PCCA: variants seen among roughly 807,000 people sequenced by gnomAD.
PCCA encodes the protein propionyl-CoA carboxylase alpha chain, mitochondrial.
PCCA carries 74 observed loss-of-function variants against 101.3 expected under a neutral mutation model. That is an observed-to-expected ratio of 0.73 (90% CI 0.61 to 0.89). PCCA has a LOEUF of 0.89. PCCA is among the 40% of genes least tolerant of loss of function. PCCA has a pLI of 0.00. For missense variants in PCCA, 891 were observed against 907.0 expected, an observed-to-expected ratio of 0.98 and a Z score of 0.23; for synonymous variants, 294 against 313.6, an observed-to-expected ratio of 0.94 and a Z score of 0.66.
chr13:100,521,928 A>G (rs967280557), intron 22 of PCCA, among the ~76,000 whole-genome samples: 1 of 152,220 alleles, frequency 6.6e-6, no homozygotes, highest in African/African-American at 2.4e-5. Context: ...AAAACACAGA[A>G]TGTAGGACAA....
intron 12 of PCCA, among the ~76,000 whole-genome samples, chr13:100,284,274 A>G (rs1024386682): frequency 9.2e-5 from 14 of 152,192 alleles, no homozygotes; most frequent in African/African-American, 3.4e-4. Context: ...GGAGGGATAT[A>G]TTAGCCAAGG....
intron 21 of PCCA, among the ~76,000 whole-genome samples, chr13:100,477,041 T>C (rs2083466271): frequency 6.6e-6 from 1 of 152,234 alleles, no homozygotes; most frequent in Admixed American, 6.5e-5. Context: ...TTCTATCCCA[T>C]CTGTTTATAT....
intron 20 of PCCA, among the ~76,000 whole-genome samples, chr13:100,434,407 G>C (rs1477798012): frequency 2.6e-5 from 4 of 152,096 alleles, no homozygotes; most frequent in African/African-American, 4.8e-5. Context: ...CTGCTATATT[G>C]GGTCTCTCAG....
At chr13:100,149,505 C>G (rs1047287044) in intron 4 of PCCA, 1 of 152,152 alleles carries the variant, frequency 6.6e-6, no homozygotes, top group Non-Finnish European at 1.5e-5. Context: ...ATTCTACTTT[C>G]AGGATAATTT....
In PCCA at chr13:100,393,141, G is replaced by A. The variant is rs372601784; in HGVS notation, c.1746+24567G>A. 1.1e-3 allele frequency among the ~76,000 whole-genome samples: 166 copies of A among 152,220 alleles called. 6 individuals carry two copies. The South Asian group carries it at 0.031, about 29-fold the overall frequency. ...AGAATTGAATTTCTCCTGCTTATGG[G>A]TTGTGTCACATTTAATAGCGTTCTT... On this transcript the variant is annotated intron_variant, in intron 19 of 23. Coordinates refer to ENST00000376285, the MANE Select transcript of PCCA (RefSeq NM_000282.4).
At chr13:100,322,041 A>G (rs1372895929) in intron 16 of PCCA, among the ~76,000 whole-genome samples, 2 of 152,182 alleles carry the variant, frequency 1.3e-5, no homozygotes, top group African/African-American at 4.8e-5. Context: ...TGCTGTAACA[A>G]AGATTTCTAA....
At chr13:100,166,751 G>T (rs1157255101) in intron 6 of PCCA, among the ~76,000 whole-genome samples, 6 of 152,100 alleles carry the variant, frequency 3.9e-5, no homozygotes, top group African/African-American at 1.4e-4. Flanking sequence ...TAGTTATGTG[G>T]GCATATGCTT....
chr13:100,133,661 T>C (rs2050799871), intron 4 of PCCA, among the ~76,000 whole-genome samples: 2 of 152,208 alleles, frequency 1.3e-5, no homozygotes, highest in Non-Finnish European at 1.5e-5. Context: ...TTGTGATGGT[T>C]AATATTGAGT....
chr13:100,505,345 A>G (rs1566474640), intron 21 of PCCA, among the ~76,000 whole-genome samples: 1 of 152,310 alleles, frequency 6.6e-6, no homozygotes, highest in South Asian at 2.1e-4. Flanking sequence ...TCTCTAATTC[A>G]CTATGCTTTT....
chr13:100,117,211 GTACTTTTT>G (rs1475396232), intron 4 of PCCA, among the ~76,000 whole-genome samples: 1 of 151,990 alleles, frequency 6.6e-6, no homozygotes, highest in African/African-American at 2.4e-5. Flanking sequence ...CTGATGTTGA[GTACTTTTT>G]TGTGTTATTG....
At chr13:100,473,695 C>T (rs1225453457) in intron 21 of PCCA, among the ~76,000 whole-genome samples, 4 of 152,134 alleles carry the variant, frequency 2.6e-5, no homozygotes, top group Non-Finnish European at 4.4e-5. Context: ...AGAGTCTATC[C>T]CACCCCTAGC....
At chr13:100,106,978 C>T (rs1268344751) in intron 2 of PCCA, among the ~76,000 whole-genome samples, 1 of 152,196 alleles carries the variant, frequency 6.6e-6, no homozygotes, top group African/African-American at 2.4e-5. Flanking sequence ...CACTTGAGGG[C>T]TGCACTTAAT....
intron 21 of PCCA, chr13:100,490,383 C>T (rs2084813758): frequency 6.6e-6 from 1 of 152,144 alleles, no homozygotes; most frequent in African/African-American, 2.4e-5. Context: ...AGTAACAGGT[C>T]ACAGCATAAA....
intron 20 of PCCA, among the ~76,000 whole-genome samples, chr13:100,426,149 T>C (rs2079135894): frequency 6.6e-6 from 1 of 152,220 alleles, no homozygotes; most frequent in African/African-American, 2.4e-5. Context: ...CACAGCTCAC[T>C]GATGTCCTTT....
At chr13:100,357,589 T>C (rs1005182583) in intron 18 of PCCA, among the ~76,000 whole-genome samples, 1 of 152,248 alleles carries the variant, frequency 6.6e-6, no homozygotes, top group African/African-American at 2.4e-5. Context: ...GTATTTTCAA[T>C]GAATTCCTTT....
At chr13:100,345,805 T>TG (rs1385099928) in intron 18 of PCCA, among the ~76,000 whole-genome samples, 1 of 152,150 alleles carries the variant, frequency 6.6e-6, no homozygotes. Flanking sequence ...ACTGATGACT[T>TG]GAAGTAGAAG....
intron 21 of PCCA, among the ~76,000 whole-genome samples, chr13:100,469,002 G>A (rs539868977): frequency 5.3e-5 from 8 of 151,450 alleles, no homozygotes; most frequent in African/African-American, 1.9e-4. Context: ...ACCTGAGGTC[G>A]GGAGTTCGAG....
At position 100,173,389 on chromosome 13, in the gene PCCA, A is replaced by G. The variant is rs1261786774; in HGVS notation, c.468+16049A>G. Reference sequence around the variant, plus strand: ...GGACAGGAATAACGGCATTTGGTAGAGATTCAAAACAGCAACCAGGGATGA... The same window carrying G: ...GGACAGGAATAACGGCATTTGGTAGGGATTCAAAACAGCAACCAGGGATGA... On this transcript the variant is annotated intron_variant, in intron 6 of 23. Transcript: ENST00000376285. 2.0e-5 allele frequency among the ~76,000 whole-genome samples: 3 copies of G among 152,306 alleles called. No homozygotes were observed. In the East Asian group the frequency reaches 5.8e-4, roughly 29 times the overall value.
intron 21 of PCCA, among the ~76,000 whole-genome samples, chr13:100,476,522 T>A (rs2083430932): frequency 6.6e-6 from 1 of 152,122 alleles, no homozygotes; most frequent in African/African-American, 2.4e-5. Context: ...TTAGCAGAAG[T>A]GAGGAAGAGA....
Sources: gnomAD v4.1 joint callset for allele counts (sites outside exome capture counted in the v4.1 genomes callset) on GRCh38, gnomAD v4.1.1 for gene constraint, MANE v1.5 for transcripts, NCBI Gene and HGNC (gene_info 2026-07-23, HGNC 2026-07-21) for gene names.